Variants in ATAD3B observed in about 807,000 individuals in gnomAD.
ATAD3B encodes the protein ATPase family AAA domain containing 3B.
ATAD3B carries 59 observed loss-of-function variants against 70.2 expected under a neutral mutation model. That is an observed-to-expected ratio of 0.84 (90% CI 0.68 to 1.04). The LOEUF (loss-of-function observed/expected upper bound fraction) is 1.04, where lower values mean the gene tolerates loss of function less well. ATAD3B is among the 50% of genes least tolerant of loss of function. The probability of loss-of-function intolerance (pLI) is 0.00; values close to 1 mark genes in which losing one functional copy is unlikely to be tolerated. For synonymous variants in ATAD3B, 423 were observed against 388.6 expected, an observed-to-expected ratio of 1.09 and a Z score of -1.04; for missense variants, 961 against 913.4, an observed-to-expected ratio of 1.05 and a Z score of -0.67.
intron 4 of ATAD3B, among the ~76,000 whole-genome samples, chr1:1,479,419 C>T (rs531733825): frequency 7.1e-6 from 1 of 141,724 alleles, no homozygotes; most frequent in African/African-American, 2.7e-5. Context: ...CCTGCACACA[C>T]GGGCCCACAC....
rs770794816 is a variant in ATAD3B, at chr1:1,485,163, C to G, written c.898C>G (p.Pro300Ala). Residue 300 changes from proline to alanine, a missense_variant, in exon 8 of 16, where the codon CCC becomes GCC. Physicochemically the swap from Pro to Ala is conservative, Grantham distance 27. This residue lies in a region of ATAD3B where 349 missense variants were observed against 307.5 expected (regional missense o/e 1.14). Coordinates refer to ENST00000673477, the MANE Select transcript of ATAD3B (RefSeq NM_031921.6). The stretch of plus-strand genomic sequence containing the variant: ...CACGGTGCTGGAGGCGCTGCGGCAC[C>G]CCATCCAGGTAGCGGCGCAGGCCTG... ...RITVLEALRHPIQVSRRLLSR... is the reference protein window; with the variant it reads ...RITVLEALRHAIQVSRRLLSR... The G allele has an allele frequency of 1.2e-6, 2 of 1,610,376 alleles. No individual in the cohort carries two copies. The highest frequency in any genetic ancestry group is 2.2e-4 in the Middle Eastern group (1 of 4,540).
At position 1,486,835 on chromosome 1, in the gene ATAD3B, G is replaced by C. The variant is rs569861345; in HGVS notation, c.1214+167G>C. 1.2e-3 allele frequency among the ~76,000 whole-genome samples: 178 copies of C among 150,090 alleles called. 4 individuals are homozygous for C. The highest frequency in any genetic ancestry group is 3.9e-3 in the Admixed American group (60 of 15,198). On this transcript the variant is annotated intron_variant, in intron 11 of 15. Coordinates refer to ENST00000673477, the MANE Select transcript of ATAD3B (RefSeq NM_031921.6). ...GTCCCTCGGAGGGAAAGTCCCCTGA[G>C]TGTGGACCCTGGTGGACACGAGGTC...
rs150869887 is a variant in ATAD3B, at chr1:1,483,249, C to A, written c.750+635C>A. 646 of 342,826 alleles carry A rather than the reference C, an allele frequency of 1.9e-3. 11 individuals carry two copies. The highest frequency in any genetic ancestry group is 0.013 in the African/African-American group (609 of 45,730). 21.2% of individuals were successfully genotyped at this position (342,826 alleles called of 1,614,324 possible). On this transcript the variant is annotated intron_variant, in intron 7 of 15. Transcript: ENST00000673477. ...GGTGGAGGTTGCAATGAGTCGAGAT[C>A]CCGCCACTGCACCCCAAGACCAGCA...
rs1332483634 is a variant in ATAD3B at position 1,493,626 on chromosome 1, T to A, written c.1615-1859T>A. Among the ~76,000 whole-genome samples the A allele has an allele frequency of 5.9e-5, 9 of 151,732 alleles. No homozygotes were observed. The East Asian group carries it at 1.7e-3, about 29-fold the overall frequency. ...GCCACTGCAACCGACCAGTTGAATT[T>A]TTTTTTTTTAATCATAAAAGTGTGT... On this transcript the variant is annotated intron_variant, in intron 15 of 15. Transcript: ENST00000673477.
intron 4 of ATAD3B, among the ~76,000 whole-genome samples, chr1:1,479,768 T>A (rs1639804146): frequency 7.4e-6 from 1 of 134,864 alleles, no homozygotes; most frequent in Non-Finnish European, 1.6e-5. Context: ...TCTGCACACA[T>A]GGGGGCTTAC....
chr1:1,501,293 C>T (rs1640940458), downstream of ATAD3B, among the ~76,000 whole-genome samples: 1 of 150,276 alleles, frequency 6.7e-6, no homozygotes, highest in Non-Finnish European at 1.5e-5. Context: ...CTCGCTCTGT[C>T]ACCGAGGCTG....
chr1:1,491,599 G>A (rs1364406241), intron 15 of ATAD3B, among the ~76,000 whole-genome samples: 1 of 151,966 alleles, frequency 6.6e-6, no homozygotes, highest in Non-Finnish European at 1.5e-5. Flanking sequence ...GGTAGAAGGC[G>A]CCCTGGCCAC....
At chr1:1,487,677 C>T (rs181389167) in intron 11 of ATAD3B, among the ~76,000 whole-genome samples, 186 bp from the exon 12 acceptor site, 81 of 151,998 alleles carry the variant, frequency 5.3e-4, no homozygotes, top group East Asian at 1.9e-4. Flanking sequence ...GAGGCTGAGA[C>T]GTGGTCAGCT....
downstream of ATAD3B, chr1:1,497,922 T>C (rs1570290413): frequency 6.7e-6 from 1 of 150,258 alleles, no homozygotes; most frequent in East Asian, 2.0e-4. Context: ...TCCTAACACT[T>C]TCCGAGGCCT....
intron 15 of ATAD3B, among the ~76,000 whole-genome samples, chr1:1,491,769 G>A (rs762580988): frequency 3.9e-5 from 6 of 151,964 alleles, no homozygotes; most frequent in Non-Finnish European, 7.4e-5. Flanking sequence ...GTATTAGTCA[G>A]TACAGGCTGG....
At chr1:1,489,567 A>T (rs541846188) in intron 13 of ATAD3B, 1 of 1,053,448 alleles carries the variant, frequency 9.5e-7, no homozygotes, top group Non-Finnish European at 1.3e-6. Context: ...TGTGCCTGCA[A>T]GGGAGGTGGT....
chr1:1,496,004 C>A lies in ATAD3B; in HGVS notation c.*187C>A. 1 of 1,346,110 alleles carries A rather than the reference C, an allele frequency of 7.4e-7. No individual in the cohort carries two copies. The highest frequency in any genetic ancestry group is 9.5e-7 in the Non-Finnish European group (1 of 1,050,302). 83.4% of individuals were successfully genotyped at this position (1,346,110 alleles called of 1,614,324 possible). A position where few individuals can be genotyped will look rare whatever the true frequency, so the allele number is the denominator to read the frequency against. ...GTGGGGCAGGCGGGGTCTTTGTTCT[C>A]GGCTCCCACAGCAGAGCCAGGTGAG... On this transcript the variant is annotated 3_prime_UTR_variant, in exon 16 of 16. Transcript: ENST00000673477.
chr1:1,474,595 G>A (rs1446742899), intron 1 of ATAD3B, among the ~76,000 whole-genome samples: 1 of 151,818 alleles, frequency 6.6e-6, no homozygotes, highest in Non-Finnish European at 1.5e-5. Context: ...TGCCTTTGGG[G>A]TTCAAGCGAT....
At chr1:1,499,450 T>C (rs1407903109), downstream of ATAD3B, among the ~76,000 whole-genome samples, 1 of 151,566 alleles carries the variant, frequency 6.6e-6, no homozygotes, top group Non-Finnish European at 1.5e-5. Context: ...TTAGCCAGGA[T>C]GGTCTTAAAC....
At chr1:1,503,142 C>T in the ATAD3B span, 369 of 157,082 alleles carry the variant, frequency 2.3e-3, no homozygotes, top group African/African-American at 8.2e-3. Flanking sequence ...AGAAATGGCA[C>T]GAACCCGAGA....
intron 11 of ATAD3B, among the ~76,000 whole-genome samples, chr1:1,487,605 T>G (rs573860210): frequency 1.1e-4 from 17 of 152,016 alleles, no homozygotes; most frequent in African/African-American, 4.1e-4. Flanking sequence ...GGCTGGTGTG[T>G]GGGTGAAACC....
chr1:1,478,421 G>A lies in ATAD3B; in HGVS notation c.283-223G>A, dbSNP rs559217728. The stretch of plus-strand genomic sequence containing the variant: ...GGGTTGGTGTCTGACCTCCCTCCCC[G>A]GGGGCCTTCGCAGGCTTCTCTGCTG... On this transcript the variant is annotated intron_variant, in intron 2 of 15. Transcript: ENST00000673477. 60 of 1,512,162 alleles carry A rather than the reference G, an allele frequency of 4.0e-5. 1 individual carries two copies. Among genetic ancestry groups the A allele is most frequent in the Admixed American group, 8.3e-5 (4 of 48,340 alleles). 93.7% of individuals were successfully genotyped at this position (1,512,162 alleles called of 1,614,324 possible).
chr1:1,487,985 G>A, intron 12 of ATAD3B, 71 bp downstream of exon 12: 3 of 1,590,308 alleles, frequency 1.9e-6, no homozygotes, highest in Non-Finnish European at 2.6e-6. Flanking sequence ...TCCTGGGCCA[G>A]GCTGCAGCCC....
chr1:1,485,324 C>T (rs4970453), intron 8 of ATAD3B, among the ~76,000 whole-genome samples, 153 bp downstream of exon 8: 8,145 of 152,154 alleles, frequency 0.054, 236 homozygotes, highest in Middle Eastern at 0.13. Flanking sequence ...TCCTGTCTGG[C>T]GCTGTACCTT....
Sources: allele counts gnomAD v4.1 joint callset (sites outside exome capture counted in the v4.1 genomes callset), GRCh38; gene constraint gnomAD v4.1.1; regional missense constraint gnomAD v4.1.1; transcripts MANE v1.5; gene names NCBI Gene and HGNC (gene_info 2026-07-23, HGNC 2026-07-21).